Variants in BROX observed in about 807,000 individuals in gnomAD.
BROX encodes the protein BRO1 domain and CAAX motif containing.
BROX carries 53 observed loss-of-function variants against 61.0 expected under a neutral mutation model. The observed-to-expected ratio is 0.87, with a 90% CI of 0.70 to 1.09. The LOEUF is 1.09. BROX is among the 50% of genes least tolerant of loss of function. BROX has a pLI of 0.00. For synonymous variants in BROX, 152 were observed against 160.2 expected (o/e 0.95, Z 0.38); for missense variants, 489 against 472.0 (o/e 1.04, Z -0.33).
chr1:222,719,198 C>A, intron 3 of BROX, 65 bp from the exon 4 acceptor site: 1 of 1,359,974 alleles, frequency 7.4e-7, no homozygotes, highest in Non-Finnish European at 1.0e-6. Flanking sequence ...AAAATTTTTC[C>A]AAACAGAACA....
chr1:222,724,186 C>G (rs373017423), intron 6 of BROX, 22 bp downstream of exon 6: 3 of 1,566,108 alleles, frequency 1.9e-6, no homozygotes, highest in Non-Finnish European at 2.6e-6. Context: ...AAACAAAAAC[C>G]ATTATTTGTT....
chr1:222,714,129 C>G (rs184794592), intron 1 of BROX: 4 of 152,026 alleles, frequency 2.6e-5, no homozygotes, highest in African/African-American at 9.6e-5. Flanking sequence ...ATCTAATTGC[C>G]ATGTTTAGGT....
chr1:222,728,875 G>GC (rs763564255), intron 9 of BROX, 47 bp downstream of exon 9: 1 of 1,395,678 alleles, frequency 7.2e-7, no homozygotes, highest in South Asian at 1.3e-5. Flanking sequence ...TGTTTCTCCA[G>GC]CCCTTGGAGT....
chr1:222,722,656 A>T, intron 5 of BROX, 142 bp downstream of exon 5: 1 of 642,552 alleles, frequency 1.6e-6, no homozygotes, highest in Non-Finnish European at 2.6e-6. Flanking sequence ...TGAGTGTCAG[A>T]ATTATGGCAC....
At chr1:222,731,648 G>A (rs1657950630) in intron 12 of BROX, 132 bp downstream of exon 12, 4 of 911,270 alleles carry the variant, frequency 4.4e-6, no homozygotes. Flanking sequence ...GTTATATAGT[G>A]CTTAATGTAA....
In BROX at chr1:222,712,611, C is replaced by G; in HGVS notation, c.-348C>G. ...CTATTGCGGCATTCTCCCTCGGCTC[C>G]GGAGGTAGGGGCAACTCTTCTCTTC... On this transcript the variant is annotated 5_prime_UTR_variant, in exon 1 of 13. Coordinates refer to ENST00000340934, the MANE Select transcript of BROX (RefSeq NM_144695.4). The G allele has an allele frequency of 2.2e-6, 3 of 1,340,984 alleles. No homozygotes were observed. The highest frequency in any genetic ancestry group is 2.9e-6 in the Non-Finnish European group (3 of 1,027,040). 83.1% of individuals were successfully genotyped at this position (1,340,984 alleles called of 1,614,324 possible).
At chr1:222,717,340 C>G (rs1656709675) in intron 2 of BROX, among the ~76,000 whole-genome samples, 1 of 152,170 alleles carries the variant, frequency 6.6e-6, no homozygotes, top group South Asian at 2.1e-4. Flanking sequence ...TACCATTGGG[C>G]AAGTCCCTTA....
intron 8 of BROX, among the ~76,000 whole-genome samples, chr1:222,728,325 G>A (rs1330448207): frequency 1.3e-5 from 2 of 152,140 alleles, no homozygotes; most frequent in African/African-American, 4.8e-5. Context: ...GAATGTGTGT[G>A]TGTTTCACAT....
At chr1:222,717,617 A>G (rs576555420) in intron 2 of BROX, among the ~76,000 whole-genome samples, 1 of 152,326 alleles carries the variant, frequency 6.6e-6, no homozygotes, top group Admixed American at 6.5e-5. Flanking sequence ...AATTCATAAG[A>G]TAGCCAGTCA....
chr1:222,727,475 A>G (rs1401742911), intron 8 of BROX, among the ~76,000 whole-genome samples: 1 of 152,182 alleles, frequency 6.6e-6, no homozygotes, highest in Admixed American at 6.5e-5. Flanking sequence ...ATAAAATTAT[A>G]CAGCTTTTTT....
At chr1:222,713,764 G>A (rs1656281898) in intron 1 of BROX, 1 of 152,102 alleles carries the variant, frequency 6.6e-6, no homozygotes, top group African/African-American at 2.4e-5. Context: ...CAAGTGCTGA[G>A]TGTGATATTA....
rs777389198 is a variant in BROX at position 222,715,788 on chromosome 1, C to G, written c.89C>G (p.Ser30Ter). ...GGTGTAGTCACTGGCCCTTCTGCTT[C>G]AAAAATATGCAAGTAAGTTTATTGA... ...YYGVVTGPSA[S>*]KICNDLRSSR... The change falls in exon 2 of 13, where the codon TCA becomes TGA. Residue 30 changes from serine to a stop codon, truncating the protein, a stop_gained. Transcript: ENST00000340934. LOFTEE classifies it high-confidence loss of function. 5 of 1,584,252 alleles carry G rather than the reference C, an allele frequency of 3.2e-6. No individual in the cohort carries two copies. The Admixed American group carries it at 8.7e-5, about 28-fold the overall frequency.
chr1:222,730,709 A>C (rs1359338893), intron 11 of BROX, among the ~76,000 whole-genome samples: 1 of 152,064 alleles, frequency 6.6e-6, no homozygotes, highest in East Asian at 1.9e-4. Flanking sequence ...GCAGACTTTA[A>C]AATTAAAACA....
Position 222,712,758 on chromosome 1 carries a change from C to T in BROX, c.-201C>T, listed in dbSNP as rs1656150599. On this transcript the variant is annotated 5_prime_UTR_variant, in exon 1 of 13. Coordinates refer to ENST00000340934, the MANE Select transcript of BROX (RefSeq NM_144695.4). ...GCAATACCCGCCCCTGAGCTGCGCG[C>T]ACTACCGCCTCGGTAGCTATCATGG... is the stretch of plus-strand genomic sequence containing the variant. The T allele has an allele frequency of 3.1e-6, 4 of 1,289,898 alleles. No homozygotes were observed. Among genetic ancestry groups the T allele is most frequent in the Non-Finnish European group, 4.0e-6 (4 of 989,222 alleles). The allele number at this position is 1,289,898 out of a possible 1,614,324, so 79.9% of individuals were successfully genotyped here.
At position 222,733,705 on chromosome 1, in the gene BROX, A is replaced by G. The variant is rs76782851; in HGVS notation, c.*991A>G. The G allele has an allele frequency of 3.9e-5, 6 of 152,328 alleles. No homozygotes were observed. In the East Asian group the frequency reaches 5.8e-4, roughly 15 times the overall value. 9.4% of individuals were successfully genotyped at this position (152,328 alleles called of 1,614,324 possible). On this transcript the variant is annotated 3_prime_UTR_variant, in exon 13 of 13. Transcript: ENST00000340934. ...GTTCCAGTACCCCTGTGCTTCATTCAGTATCAGTAACCCTGCAATGATTTT... is the reference window on the plus strand; with the variant it reads ...GTTCCAGTACCCCTGTGCTTCATTCGGTATCAGTAACCCTGCAATGATTTT...
chr1:222,723,184 AT>A (rs534911103), intron 5 of BROX, among the ~76,000 whole-genome samples: 28 of 152,372 alleles, frequency 1.8e-4, no homozygotes, highest in African/African-American at 6.5e-4. Flanking sequence ...CAGAGTAATG[AT>A]TATAGCTACC....
intron 4 of BROX, 84 bp downstream of exon 4, chr1:222,719,443 G>A: frequency 1.0e-6 from 1 of 968,612 alleles, no homozygotes; most frequent in Non-Finnish European, 1.6e-6. Flanking sequence ...TTTGTATTTG[G>A]AGAAGAAAAA....
At position 222,729,546 on chromosome 1, in the gene BROX, G is replaced by A. The variant is rs1313715348; in HGVS notation, c.757-74G>A. 2.6e-6 allele frequency: 3 copies of A among 1,154,132 alleles called. No individual in the cohort carries two copies. The African/African-American group carries it at 4.6e-5, about 18-fold the overall frequency. 71.5% of individuals were successfully genotyped at this position (1,154,132 alleles called of 1,614,324 possible). A position where few individuals can be genotyped will look rare whatever the true frequency, so the allele number is the denominator to read the frequency against. ...AGTGTATGAAGGTACTAATTTATCT[G>A]ATAGATACATAAAACAATAGGGGAA... is the stretch of plus-strand genomic sequence containing the variant. On this transcript the variant is annotated intron_variant, in intron 9 of 12. Transcript: ENST00000340934.
At chr1:222,714,989 A>G (rs1303652761) in intron 1 of BROX, among the ~76,000 whole-genome samples, 1 of 152,252 alleles carries the variant, frequency 6.6e-6, no homozygotes, top group Admixed American at 6.5e-5. Flanking sequence ...TGTAGAACAC[A>G]TGCTATAACC....
Sources: gnomAD v4.1 joint callset for allele counts (sites outside exome capture counted in the v4.1 genomes callset) on GRCh38, gnomAD v4.1.1 for gene constraint, MANE v1.5 for transcripts, NCBI Gene and HGNC (gene_info 2026-07-23, HGNC 2026-07-21) for gene names.